Variants in GHR observed in about 807,000 individuals in gnomAD.
GHR encodes the protein GH receptor.
In GHR, 35 loss-of-function variants were observed where a neutral mutation model predicts 67.1. That is an observed-to-expected ratio of 0.52 (90% confidence interval 0.40 to 0.69). The LOEUF is 0.69. Among genes scored for constraint, GHR ranks in the 30% least tolerant of loss-of-function variants. GHR has a pLI of 0.00. For synonymous variants in GHR, 272 were observed against 269.1 expected (o/e 1.01, Z -0.10); for missense variants, 792 against 764.6 (o/e 1.04, Z -0.42).
intron 3 of GHR, among the ~76,000 whole-genome samples, chr5:42,643,777 T>C (rs970173704): frequency 6.6e-5 from 10 of 151,984 alleles, no homozygotes; most frequent in African/African-American, 2.2e-4. Flanking sequence ...AGTGACTTAA[T>C]CATTTCTATT....
intron 1 of GHR, among the ~76,000 whole-genome samples, chr5:42,437,659 T>C (rs983953503): frequency 1.3e-5 from 2 of 151,908 alleles, no homozygotes; most frequent in African/African-American, 4.8e-5. Context: ...GCGATTCTCT[T>C]GCCTCTGCCT....
Position 42,565,967 on chromosome 5 carries a change from C to T in GHR, c.70+23C>T, listed in dbSNP as rs992610313. ...AGGGTGAGTTCTGCTTTTCCATTTC[C>T]ACCCTCAGTGTTTTGAAACAACACT... On this transcript the variant is annotated intron_variant, in intron 2 of 9. Transcript: ENST00000230882. 5 of 1,613,606 alleles carry T rather than the reference C, an allele frequency of 3.1e-6. 1 individual carries two copies. The highest frequency in any genetic ancestry group is 3.3e-5 in the Admixed American group (2 of 60,018).
At chr5:42,466,255 C>T (rs1744729566) in intron 1 of GHR, among the ~76,000 whole-genome samples, 1 of 151,024 alleles carries the variant, frequency 6.6e-6, no homozygotes, top group African/African-American at 2.4e-5. Flanking sequence ...GTCTCCAGAG[C>T]TTTACAATAT....
chr5:42,612,905 G>A (rs1247770413), intron 2 of GHR, among the ~76,000 whole-genome samples: 1 of 152,028 alleles, frequency 6.6e-6, no homozygotes, highest in Non-Finnish European at 1.5e-5. Context: ...CAAGCATGCA[G>A]CATAGCCCCT....
At chr5:42,518,998 A>G (rs965522596) in intron 1 of GHR, among the ~76,000 whole-genome samples, 2 of 152,102 alleles carry the variant, frequency 1.3e-5, no homozygotes, top group Non-Finnish European at 2.9e-5. Context: ...CACCTTGGCA[A>G]ATTGGTTGAT....
intron 1 of GHR, among the ~76,000 whole-genome samples, chr5:42,470,628 A>G (rs2940919): frequency 0.21 from 32,505 of 152,084 alleles, 3,802 homozygotes; most frequent in African/African-American, 0.28. Context: ...AGATCCTTCC[A>G]ATAGTAAATT....
chr5:42,617,973 C>A (rs1181471493), intron 2 of GHR, among the ~76,000 whole-genome samples: 1 of 151,998 alleles, frequency 6.6e-6, no homozygotes, highest in African/African-American at 2.4e-5. Context: ...ACCGTTTTGA[C>A]TCTCATTTAA....
intron 1 of GHR, among the ~76,000 whole-genome samples, chr5:42,427,717 G>A (rs961743846): frequency 1.3e-5 from 2 of 152,098 alleles, no homozygotes; most frequent in Non-Finnish European, 2.9e-5. Context: ...TTCCACCTAT[G>A]AGCCTGTAAA....
At chr5:42,596,591 G>A (rs543227978) in intron 2 of GHR, among the ~76,000 whole-genome samples, 15 of 152,150 alleles carry the variant, frequency 9.9e-5, no homozygotes, top group Middle Eastern at 3.2e-3. Context: ...GTGTGATTAG[G>A]GGCCAGGATA....
rs148225803 is a variant in GHR at position 42,471,033 on chromosome 5, A to G, written c.-12+47078A>G. On this transcript the variant is annotated intron_variant, in intron 1 of 9. Coordinates refer to ENST00000230882, the MANE Select transcript of GHR (RefSeq NM_000163.5). ...CTTATTTGTGAGAGTACAAGTCACT[A>G]TTTACACTATGGTAAACTGCATGCA... 1.8e-3 allele frequency among the ~76,000 whole-genome samples: 280 copies of G among 152,288 alleles called. 1 individual carries two copies. The highest frequency in any genetic ancestry group is 6.3e-3 in the African/African-American group (263 of 41,550).
chr5:42,650,158 C>A (rs1002340879), intron 3 of GHR, among the ~76,000 whole-genome samples: 6 of 152,108 alleles, frequency 3.9e-5, no homozygotes, highest in African/African-American at 1.4e-4. Context: ...TACTTAAAAT[C>A]TACTGAGGGC....
chr5:42,539,626 G>A (rs150191745), intron 1 of GHR, among the ~76,000 whole-genome samples: 3 of 152,134 alleles, frequency 2.0e-5, no homozygotes, highest in Admixed American at 2.0e-4. Flanking sequence ...CGGGATTCCT[G>A]TTTCATTCTT....
intron 8 of GHR, among the ~76,000 whole-genome samples, 159 bp from the exon 9 acceptor site, chr5:42,717,893 G>A (rs1758797703): frequency 6.6e-6 from 1 of 151,594 alleles, no homozygotes; most frequent in South Asian, 2.1e-4. Flanking sequence ...CTCATTTACT[G>A]TCTAATATTT....
chr5:42,677,889 T>A (rs1756647954), intron 3 of GHR, among the ~76,000 whole-genome samples: 1 of 152,208 alleles, frequency 6.6e-6, no homozygotes, highest in African/African-American at 2.4e-5. Flanking sequence ...CTAGTACTAA[T>A]GAACTTATAG....
At chr5:42,547,355 A>T (rs1748783593) in intron 1 of GHR, among the ~76,000 whole-genome samples, 1 of 152,178 alleles carries the variant, frequency 6.6e-6, no homozygotes, top group African/African-American at 2.4e-5. Context: ...CAGGAAAATG[A>T]GTCACACAGT....
chr5:42,467,115 C>G, intron 1 of GHR: 1 of 1,596,142 alleles, frequency 6.3e-7, no homozygotes, highest in Non-Finnish European at 8.6e-7. Context: ...TGAAGGCCTT[C>G]CCACATTCAT....
chr5:42,531,060 G>C (rs1747944267), intron 1 of GHR, among the ~76,000 whole-genome samples: 1 of 152,178 alleles, frequency 6.6e-6, no homozygotes, highest in Non-Finnish European at 1.5e-5. Flanking sequence ...CTGAGGTCAA[G>C]AGTTCAAGAC....
At chr5:42,605,519 C>T (rs1359424287) in intron 2 of GHR, among the ~76,000 whole-genome samples, 1 of 152,114 alleles carries the variant, frequency 6.6e-6, no homozygotes, top group East Asian at 1.9e-4. Context: ...AAACCTGTCC[C>T]TCAAGAAGCA....
Position 42,455,771 on chromosome 5 carries a change from A to G in GHR, c.-12+31816A>G, listed in dbSNP as rs551305808. 5.3e-5 allele frequency among the ~76,000 whole-genome samples: 8 copies of G among 152,340 alleles called. No individual in the cohort carries two copies. The South Asian group carries it at 1.7e-3, about 32-fold the overall frequency. On this transcript the variant is annotated intron_variant, in intron 1 of 9. Transcript: ENST00000230882. ...CACTTCTGCTGGAGAAATATTTTAC[A>G]AACTATATATATTGAAGCCCAAACT...
Sources: gnomAD v4.1 joint callset for allele counts (sites outside exome capture counted in the v4.1 genomes callset) on GRCh38, gnomAD v4.1.1 for gene constraint, MANE v1.5 for transcripts, NCBI Gene and HGNC (gene_info 2026-07-23, HGNC 2026-07-21) for gene names.